The following NALCN variants were observed in gnomAD, a reference collection of about 807,000 sequenced individuals.
NALCN encodes the protein sodium leak channel NALCN.
Under a neutral mutation model 225.3 loss-of-function variants are expected in NALCN, and 111 were observed. That is an observed-to-expected ratio of 0.49 (90% CI 0.42 to 0.58). The LOEUF (loss-of-function observed/expected upper bound fraction) is 0.58. NALCN is among the 20% of genes least tolerant of loss of function. The pLI is 0.00. For synonymous variants in NALCN, 764 were observed against 769.0 expected, an observed-to-expected ratio of 0.99 and a Z score of 0.11; for missense variants, 1,378 against 2,202.4, an observed-to-expected ratio of 0.63 and a Z score of 7.49.
intron 14 of NALCN, among the ~76,000 whole-genome samples, chr13:101,190,693 G>A (rs577031950): frequency 2.0e-5 from 3 of 152,186 alleles, no homozygotes. Flanking sequence ...GCCTCTGTCT[G>A]TCTATAGCAA....
intron 7 of NALCN, among the ~76,000 whole-genome samples, chr13:101,344,728 T>C (rs1339904211): frequency 1.3e-5 from 2 of 152,198 alleles, no homozygotes; most frequent in Non-Finnish European, 2.9e-5. Context: ...AATGTACACA[T>C]TTGAGCACAT....
chr13:101,193,836 C>A (rs2039782048), intron 13 of NALCN, among the ~76,000 whole-genome samples: 1 of 152,030 alleles, frequency 6.6e-6, no homozygotes, highest in African/African-American at 2.4e-5. Context: ...AACACGAATT[C>A]CAAAGATGAT....
chr13:101,239,926 CTGTTTA>C (rs1314682765), intron 11 of NALCN, among the ~76,000 whole-genome samples: 1 of 151,962 alleles, frequency 6.6e-6, no homozygotes, highest in Non-Finnish European at 1.5e-5. Flanking sequence ...TGTTGCTCAT[CTGTTTA>C]TATGTTTATT....
In NALCN at chr13:101,188,599, TATATATACATATATACACAC is replaced by T. The variant is rs1432859822; in HGVS notation, c.1764+3298_1764+3317del. On this transcript the variant is annotated intron_variant, in intron 14 of 43. Transcript: ENST00000251127. ...ATATATATACATATATACACACACATATATATACATATATACACACATATATACATATATACACATATATA... is the reference window on the plus strand; with the variant it reads ...ATATATATACATATATACACACACATATATATACATATATACACATATATA... Among the ~76,000 whole-genome samples the T allele has an allele frequency of 5.2e-4, 78 of 151,248 alleles. 1 individual carries two copies. Among genetic ancestry groups the T allele is most frequent in the African/African-American group, 1.9e-3 (78 of 41,250 alleles).
intron 7 of NALCN, among the ~76,000 whole-genome samples, chr13:101,341,827 G>C (rs995789724): frequency 4.6e-5 from 7 of 152,186 alleles, no homozygotes; most frequent in Non-Finnish European, 1.0e-4. Context: ...GATGCTACCA[G>C]AAGGTAGGAC....
At chr13:101,160,773 A>G (rs1219555057) in intron 15 of NALCN, among the ~76,000 whole-genome samples, 1 of 152,158 alleles carries the variant, frequency 6.6e-6, no homozygotes, top group Non-Finnish European at 1.5e-5. Flanking sequence ...AAAGACAGGG[A>G]CTTTCTATAA....
chr13:101,375,500 C>T (rs1296842751), intron 6 of NALCN, among the ~76,000 whole-genome samples: 2 of 152,130 alleles, frequency 1.3e-5, no homozygotes, highest in Non-Finnish European at 1.5e-5. Flanking sequence ...CCTCCAACTG[C>T]AGAAAACACA....
At chr13:101,297,526 C>T (rs1309234989) in intron 7 of NALCN, among the ~76,000 whole-genome samples, 1 of 152,222 alleles carries the variant, frequency 6.6e-6, no homozygotes, top group Non-Finnish European at 1.5e-5. Flanking sequence ...AACACCCCAT[C>T]TTCTGAGACA....
intron 7 of NALCN, among the ~76,000 whole-genome samples, chr13:101,341,821 C>G (rs1455902570): frequency 6.6e-6 from 1 of 152,176 alleles, no homozygotes; most frequent in East Asian, 1.9e-4. Context: ...GGGGGTGATG[C>G]TACCAGAAGG....
intron 6 of NALCN, among the ~76,000 whole-genome samples, chr13:101,360,334 A>G (rs1049110728): frequency 1.5e-4 from 22 of 151,356 alleles, no homozygotes; most frequent in Non-Finnish European, 3.2e-4. Context: ...CCCGGCTCCA[A>G]CGATTCTTGT....
At chr13:101,338,556 T>G (rs1008075919) in intron 7 of NALCN, among the ~76,000 whole-genome samples, 2 of 152,214 alleles carry the variant, frequency 1.3e-5, no homozygotes, top group Admixed American at 1.3e-4. Flanking sequence ...TGTTCTCATC[T>G]CTTGTACCAA....
intron 15 of NALCN, among the ~76,000 whole-genome samples, chr13:101,156,196 G>A (rs1436967118): frequency 6.6e-6 from 1 of 151,992 alleles, no homozygotes; most frequent in African/African-American, 2.4e-5. Context: ...TTGTTTGCTT[G>A]TTTGTTTTTT....
At chr13:101,198,501 A>C (rs9557596) in intron 13 of NALCN, among the ~76,000 whole-genome samples, 22,022 of 152,256 alleles carry the variant, frequency 0.14, 2,102 homozygotes, top group East Asian at 0.37. Context: ...GACACTTTTC[A>C]AAAGAAGACA....
chr13:101,318,627 T>C (rs369915188), intron 7 of NALCN, among the ~76,000 whole-genome samples: 37 of 152,348 alleles, frequency 2.4e-4, no homozygotes, highest in Admixed American at 5.2e-4. Context: ...ATATGTGTAC[T>C]TCATGTCCCT....
intron 15 of NALCN, among the ~76,000 whole-genome samples, chr13:101,167,302 G>A (rs1046738907): frequency 2.6e-5 from 4 of 152,108 alleles, no homozygotes; most frequent in African/African-American, 9.7e-5. Flanking sequence ...TGCTTTGGAT[G>A]GTATGAACAT....
chr13:101,375,210 G>A (rs555194973), intron 6 of NALCN, among the ~76,000 whole-genome samples: 2 of 152,184 alleles, frequency 1.3e-5, no homozygotes, highest in Admixed American at 6.5e-5. Context: ...ACAAAATAAT[G>A]ACAGCTGGCA....
rs757838626 is a variant in NALCN, at chr13:101,124,571, T to C, written c.2192+37A>G. The C allele has an allele frequency of 2.6e-6, 4 of 1,547,790 alleles. No homozygotes were observed. The Admixed American group carries it at 6.9e-5, about 27-fold the overall frequency. ...TATTTTTCGATTAATATAATCCCAC[T>C]TGTGTTTAAATATGTGTCAACATTA... On this transcript the variant is annotated intron_variant, in intron 18 of 43. Coordinates refer to ENST00000251127, the MANE Select transcript of NALCN (RefSeq NM_052867.4).
intron 35 of NALCN, 69 bp from the exon 36 acceptor site, chr13:101,074,731 A>AGG: frequency 3.4e-6 from 5 of 1,490,512 alleles, no homozygotes; most frequent in Non-Finnish European, 2.7e-6. Flanking sequence ...AGAGAGAGAG[A>AGG]GAGAGAGAGA....
At chr13:101,324,287 A>C (rs994977763) in intron 7 of NALCN, among the ~76,000 whole-genome samples, 2 of 152,216 alleles carry the variant, frequency 1.3e-5, no homozygotes, top group African/African-American at 4.8e-5. Flanking sequence ...GAAAGCAAAA[A>C]ATATAATGTC....
Sources: gnomAD v4.1 joint callset for allele counts (sites outside exome capture counted in the v4.1 genomes callset) on GRCh38, gnomAD v4.1.1 for gene constraint, MANE v1.5 for transcripts, NCBI Gene and HGNC (gene_info 2026-07-23, HGNC 2026-07-21) for gene names.